Variants in SHOX observed in about 807,000 individuals in gnomAD.
SHOX encodes SHOX homeobox.
In SHOX, 12 loss-of-function variants were observed where a neutral mutation model predicts 29.6. That is an observed-to-expected ratio of 0.41 (90% CI 0.26 to 0.66). The LOEUF (loss-of-function observed/expected upper bound fraction) is 0.66. SHOX is among the 30% of genes least tolerant of loss of function. The probability of loss-of-function intolerance (pLI) is 0.35; values close to 1 mark genes in which losing one functional copy is unlikely to be tolerated. For synonymous variants in SHOX, 214 were observed against 200.6 expected (o/e 1.07, Z -0.57); for missense variants, 499 against 437.7 (o/e 1.14, Z -1.25).
At chrX:655,145 G>C (rs1569496514), downstream of SHOX, among the ~76,000 whole-genome samples, 2 of 151,642 alleles carry the variant, frequency 1.3e-5, no homozygotes, top group African/African-American at 4.8e-5. Flanking sequence ...GTCTTGCTCT[G>C]TCACCAGGCA....
intron 2 of SHOX, among the ~76,000 whole-genome samples, chrX:635,531 G>A (rs1443019152): frequency 6.6e-6 from 1 of 152,166 alleles, no homozygotes; most frequent in East Asian, 1.9e-4. Context: ...CGGCTGTGGG[G>A]AGCGCAGGAG....
chrX:634,911 C>T lies in SHOX; in HGVS notation c.486+85C>T, dbSNP rs1208370686. 3.2e-5 allele frequency: 45 copies of T among 1,400,278 alleles called. 1 individual carries two copies. The highest frequency in any genetic ancestry group is 5.0e-4 in the Middle Eastern group (2 of 3,986). 86.7% of individuals were successfully genotyped at this position (1,400,278 alleles called of 1,614,324 possible). A position where few individuals can be genotyped will look rare whatever the true frequency, so the allele number is the denominator to read the frequency against. On this transcript the variant is annotated intron_variant, in intron 2 of 4. Coordinates refer to ENST00000686671, the MANE Select transcript of SHOX (RefSeq NM_000451.4). ...ACAGCACGCGTACAGCCACCTGCGC[C>T]CGGGCCGCCGCCGTCCCCTTCCCGG...
At chrX:638,788 G>A (rs1331712888) in intron 2 of SHOX, among the ~76,000 whole-genome samples, 2 of 152,224 alleles carry the variant, frequency 1.3e-5, no homozygotes, top group African/African-American at 2.4e-5. Flanking sequence ...GTGGCTGTGG[G>A]CCGAGGGACC....
chrX:634,100 G>C (rs1603285054), intron 1 of SHOX, among the ~76,000 whole-genome samples: 2 of 151,110 alleles, frequency 1.3e-5, no homozygotes. Context: ...GTTCTGCTGA[G>C]AAACAGGCTT....
chrX:652,576 C>A (rs141743599), downstream of SHOX, among the ~76,000 whole-genome samples: 372 of 151,992 alleles, frequency 2.4e-3, 2 homozygotes, highest in African/African-American at 8.4e-3. Context: ...TGAGCCTCTC[C>A]GACACCTCCC....
At chrX:637,077 C>T (rs2052773678) in intron 2 of SHOX, among the ~76,000 whole-genome samples, 1 of 151,618 alleles carries the variant, frequency 6.6e-6, no homozygotes, top group Non-Finnish European at 1.5e-5. Context: ...TTACCGAGGG[C>T]TGTGGTCCCC....
chrX:648,918 TTTTC>T lies in SHOX; in HGVS notation c.*4292_*4295del, dbSNP rs374800918. Among the ~76,000 whole-genome samples, 1 of 146,574 alleles carries T rather than the reference TTTTC, an allele frequency of 6.8e-6. No individual in the cohort carries two copies. Among genetic ancestry groups the T allele is most frequent in the South Asian group, 2.2e-4 (1 of 4,628 alleles). ...TTCCTTCCTTCCTTCCTTTCTTTCT[TTTTC>T]TTTCTTTCTCTCTTTCTTTCTTTTC... On this transcript the variant is annotated 3_prime_UTR_variant, in exon 5 of 5. Coordinates refer to ENST00000686671, the MANE Select transcript of SHOX (RefSeq NM_000451.4).
upstream of SHOX, among the ~76,000 whole-genome samples, chrX:627,840 G>A (rs2052566048): frequency 6.6e-6 from 1 of 152,172 alleles, no homozygotes; most frequent in Non-Finnish European, 1.5e-5. Context: ...GGTCCTTGGG[G>A]TTGGAGAAGA....
rs774167614 is a variant in SHOX, at chrX:649,333, C to T, written c.*4697C>T. 1.1e-3 allele frequency among the ~76,000 whole-genome samples: 169 copies of T among 152,260 alleles called. No individual in the cohort carries two copies. The highest frequency in any genetic ancestry group is 3.7e-3 in the African/African-American group (153 of 41,560). ...GGATTACGGGGTGAGGCACCGCGCC[C>T]GGCCTCCTCTCTCTTTTTCTGAGAT... On this transcript the variant is annotated 3_prime_UTR_variant, in exon 5 of 5. Transcript: ENST00000686671.
intron 4 of SHOX, among the ~76,000 whole-genome samples, chrX:642,305 G>C (rs909483717): frequency 1.1e-4 from 16 of 152,054 alleles, no homozygotes; most frequent in African/African-American, 2.7e-4. Context: ...GGGCTTGGGG[G>C]GGGGGCTCTG....
rs184372364 is a variant in SHOX, at chrX:651,227, C to A, written c.*6591C>A. ...GAAAACTGTTGCTTTTTCTTTTTCC[C>A]TCCCCCATTGACGACATAGCGGCCC... On this transcript the variant is annotated 3_prime_UTR_variant, in exon 5 of 5. Transcript: ENST00000686671. 1.6e-5 allele frequency: 7 copies of A among 431,714 alleles called. No homozygotes were observed. In the East Asian group the frequency reaches 4.3e-4, roughly 26 times the overall value. 26.7% of individuals were successfully genotyped at this position (431,714 alleles called of 1,614,324 possible).
At chrX:631,805 G>T (rs1357160647) in intron 1 of SHOX, 8 of 438,598 alleles carry the variant, frequency 1.8e-5, no homozygotes, top group Non-Finnish European at 3.3e-5. Context: ...GTGCTGGGAT[G>T]ACAGGCGTGA....
chrX:627,956 A>G (rs2052568210), upstream of SHOX, among the ~76,000 whole-genome samples: 1 of 152,054 alleles, frequency 6.6e-6, no homozygotes, highest in Non-Finnish European at 1.5e-5. Flanking sequence ...AGAGGCAGAG[A>G]TGGGGAGGCC....
In SHOX at chrX:644,842, G is replaced by T; in HGVS notation, c.*206G>T. The T allele has an allele frequency of 3.0e-6, 2 of 662,328 alleles. No individual in the cohort carries two copies. The highest frequency in any genetic ancestry group is 4.5e-6 in the Non-Finnish European group (2 of 444,886). The allele number at this position is 662,328 out of a possible 1,614,324, so 41.0% of individuals were successfully genotyped here. ...GCCAGACCCTCGCGGAGATGGTGCA[G>T]AAGGCGGAGCGGGTGAGCGGCCGTG... On this transcript the variant is annotated 3_prime_UTR_variant, in exon 5 of 5. Coordinates refer to ENST00000686671, the MANE Select transcript of SHOX (RefSeq NM_000451.4).
At chrX:636,970 A>ATATATATATATATATATATATATTT (rs1458275715) in intron 2 of SHOX, among the ~76,000 whole-genome samples, 5 of 137,346 alleles carry the variant, frequency 3.6e-5, no homozygotes, top group African/African-American at 8.3e-5. Flanking sequence ...ATATATATAT[A>ATATATATATATATATATATATATTT]TTTTGGCTCC....
chrX:651,585 T>C (rs1224990752), downstream of SHOX: 2 of 216,358 alleles, frequency 9.2e-6, no homozygotes, highest in Admixed American at 5.4e-5. Flanking sequence ...AATATTTGTA[T>C]TCAAGTGTTA....
intron 4 of SHOX, among the ~76,000 whole-genome samples, chrX:642,957 G>A (rs1464543419): frequency 6.7e-6 from 1 of 149,004 alleles, no homozygotes; most frequent in Non-Finnish European, 1.5e-5. Context: ...GAGACCTGGT[G>A]TTCTGGGAGA....
In SHOX at chrX:640,893, TGG is replaced by T. The variant is rs753480876; in HGVS notation, c.544+20_544+21del. ...GATGCATAAAGGTGGGTGTCGGGAC[TGG>T]GGGGACCTGAAGCTGGGGGATCCTG... is the stretch of plus-strand genomic sequence containing the variant. On this transcript the variant is annotated intron_variant, in intron 3 of 4. Transcript: ENST00000686671. 6.2e-7 allele frequency: 1 copy of T among 1,613,678 alleles called. No individual in the cohort carries two copies. The highest frequency in any genetic ancestry group is 1.3e-5 in the African/African-American group (1 of 74,874).
downstream of SHOX, among the ~76,000 whole-genome samples, chrX:654,137 G>A (rs986669440): frequency 1.3e-4 from 19 of 151,830 alleles, no homozygotes; most frequent in Non-Finnish European, 2.2e-4. Context: ...TTGCACTATA[G>A]CATAATAAGA....
Sources: allele counts gnomAD v4.1 joint callset (sites outside exome capture counted in the v4.1 genomes callset), GRCh38; gene constraint gnomAD v4.1.1; transcripts MANE v1.5; gene names NCBI Gene and HGNC (gene_info 2026-07-23, HGNC 2026-07-21).